The following COL11A1 variants were observed in gnomAD, a reference collection of about 807,000 sequenced individuals.
COL11A1 encodes the protein collagen alpha-1(XI) chain.
A neutral mutation model predicts 265.2 loss-of-function variants in COL11A1; 74 were observed. The observed-to-expected ratio is 0.28, with a 90% CI of 0.23 to 0.34. The LOEUF is 0.34. COL11A1 is among the 10% of genes least tolerant of loss of function. The pLI is 1.00. For synonymous variants in COL11A1, 816 were observed against 727.6 expected (o/e 1.12, Z -1.96); for missense variants, 2,165 against 2,263.6 (o/e 0.96, Z 0.88).
At chr1:102,908,908 A>G (rs898838309) in intron 54 of COL11A1, among the ~76,000 whole-genome samples, 5 of 152,190 alleles carry the variant, frequency 3.3e-5, no homozygotes, top group Admixed American at 6.6e-5. Flanking sequence ...GAATGAGAGT[A>G]ACATAATTTT....
At chr1:102,973,097 C>A (rs922236532) in intron 36 of COL11A1, among the ~76,000 whole-genome samples, 4 of 152,008 alleles carry the variant, frequency 2.6e-5, no homozygotes, top group Non-Finnish European at 5.9e-5. Context: ...CTTTCTATAT[C>A]AAACAGATGA....
rs977256784 is a variant in COL11A1 at position 103,108,357 on chromosome 1, T to C, written c.-179A>G. On this transcript the variant is annotated 5_prime_UTR_variant, in exon 1 of 67. Coordinates refer to ENST00000370096, the MANE Select transcript of COL11A1 (RefSeq NM_001854.4). ...TGATGGTTTGCGTTCTTCGTGTCTC[T>C]AGCCCTTTCCTCTCCCTCTGAGTTG... 7.6e-5 allele frequency: 50 copies of C among 659,752 alleles called. 2 individuals are homozygous for C. The South Asian group carries it at 7.6e-4, about 10-fold the overall frequency. 40.9% of individuals were successfully genotyped at this position (659,752 alleles called of 1,614,324 possible).
Position 102,877,986 on chromosome 1 carries a change from T to C in COL11A1, c.*33A>G, listed in dbSNP as rs976177538. On this transcript the variant is annotated 3_prime_UTR_variant, in exon 67 of 67. Coordinates refer to ENST00000370096, the MANE Select transcript of COL11A1 (RefSeq NM_001854.4). ...TGGGTTGGTGGCACCAAGGTATATT[T>C]TCTGTTGATTTGATATGTTCTTTGT... The C allele has an allele frequency of 1.2e-6, 2 of 1,611,866 alleles. No individual in the cohort carries two copies. The highest frequency in any genetic ancestry group is 1.3e-5 in the African/African-American group (1 of 74,958).
chr1:103,025,706 G>A (rs930943520), intron 6 of COL11A1, 93 bp from the exon 7 acceptor site: 21 of 1,557,514 alleles, frequency 1.3e-5, no homozygotes, highest in African/African-American at 2.7e-5. Context: ...TATTAGCCAA[G>A]TGAGTATTTA....
rs12743150 is a variant in COL11A1, at chr1:102,998,007, T to A, written c.2196+303A>T. ...ATAGAAAATTTAGATCATGCAAGAA[T>A]ATGTGAGTGGACCTGCTTACCTGGA... On this transcript the variant is annotated intron_variant, in intron 25 of 66. Transcript: ENST00000370096. Among the ~76,000 whole-genome samples the A allele has an allele frequency of 0.036, 5,497 of 151,780 alleles. 134 individuals carry two copies. Among genetic ancestry groups the A allele is most frequent in the Middle Eastern group, 0.092 (27 of 294 alleles).
chr1:102,964,096 G>C (rs1326268936), intron 38 of COL11A1, among the ~76,000 whole-genome samples: 4 of 151,920 alleles, frequency 2.6e-5, no homozygotes, highest in African/African-American at 9.7e-5. Context: ...ATGTAAAGAG[G>C]GGAACGAAAA....
At chr1:103,030,849 C>T (rs1156623004) in intron 5 of COL11A1, 2 of 412,304 alleles carry the variant, frequency 4.9e-6, no homozygotes, top group African/African-American at 2.0e-5. Context: ...CTTCTTCTCA[C>T]CCCCTCCAAA....
intron 4 of COL11A1, among the ~76,000 whole-genome samples, chr1:103,051,016 G>T (rs893382516): frequency 6.6e-6 from 1 of 152,200 alleles, no homozygotes; most frequent in Non-Finnish European, 1.5e-5. Flanking sequence ...CCCCTACTGG[G>T]GGATGCCTCC....
chr1:102,885,998 G>A (rs1038857691), intron 63 of COL11A1, among the ~76,000 whole-genome samples: 2 of 152,092 alleles, frequency 1.3e-5, no homozygotes, highest in African/African-American at 4.8e-5. Context: ...TCTGCATTGA[G>A]TTACTTAGAT....
At chr1:102,934,054 G>T (rs201404412) in intron 46 of COL11A1, among the ~76,000 whole-genome samples, 7 of 152,012 alleles carry the variant, frequency 4.6e-5, no homozygotes, top group Non-Finnish European at 5.9e-5. Flanking sequence ...TGTATTCTGC[G>T]TCGCTCACGC....
At chr1:103,041,337 T>G (rs987581795) in intron 4 of COL11A1, among the ~76,000 whole-genome samples, 5 of 151,898 alleles carry the variant, frequency 3.3e-5, no homozygotes, top group Admixed American at 2.0e-4. Context: ...TACCAGATAT[T>G]TGGGTATCAG....
At chr1:102,996,069 C>T (rs764459522) in intron 26 of COL11A1, 27 bp from the exon 27 acceptor site, 12 of 1,606,080 alleles carry the variant, frequency 7.5e-6, no homozygotes, top group African/African-American at 1.3e-5. Flanking sequence ...ACCACTTATA[C>T]GTGTAATAAA....
Position 103,022,552 on chromosome 1 carries a change from C to T in COL11A1, c.1245+190G>A, listed in dbSNP as rs150883638. On this transcript the variant is annotated intron_variant, in intron 8 of 66. Transcript: ENST00000370096. ...TCAAATAATGACTCCAAAAGTATGG[C>T]CAAAGATACAACTGCTGAAGATTCC... Among the ~76,000 whole-genome samples, 465 of 152,160 alleles carry T rather than the reference C, an allele frequency of 3.1e-3. 3 individuals are homozygous for T. The highest frequency in any genetic ancestry group is 0.011 in the African/African-American group (447 of 41,498).
At position 103,005,856 on chromosome 1, in the gene COL11A1, T is replaced by C. The variant is rs1571008340; in HGVS notation, c.1827A>G (p.Pro609=). 1 of 1,613,904 alleles carries C rather than the reference T, an allele frequency of 6.2e-7. No individual in the cohort carries two copies. Among genetic ancestry groups the C allele is most frequent in the South Asian group, 1.1e-5 (1 of 91,080 alleles). The change falls in exon 18 of 67, where the codon CCA becomes CCG. Residue 609 remains proline, a synonymous_variant. Transcript: ENST00000370096. ...ATCTTACCCTGTGACCTTTGTCACC[T>C]GGCAGACCCGGAAGTCCATCAAACC... ...DRGFDGLPGL[P]GDKGHRGERG... is the part of the protein sequence containing the mutation.
chr1:102,994,250 C>T (rs1458289113), intron 28 of COL11A1, among the ~76,000 whole-genome samples: 30 of 152,054 alleles, frequency 2.0e-4, no homozygotes, highest in Non-Finnish European at 3.8e-4. Context: ...ACCCAAATCT[C>T]ATGTTGAAAC....
At chr1:103,102,518 A>G (rs1674359406) in intron 1 of COL11A1, among the ~76,000 whole-genome samples, 1 of 152,040 alleles carries the variant, frequency 6.6e-6, no homozygotes, top group Admixed American at 6.6e-5. Flanking sequence ...TACATGAGGG[A>G]AGTGAAGGAG....
intron 1 of COL11A1, among the ~76,000 whole-genome samples, chr1:103,092,997 A>C (rs1478371620): frequency 1.3e-5 from 2 of 152,062 alleles, no homozygotes; most frequent in African/African-American, 2.4e-5. Context: ...AAAACAGAAA[A>C]AGACAAAAGA....
chr1:103,076,433 G>A (rs1671978755), intron 3 of COL11A1, among the ~76,000 whole-genome samples: 1 of 152,038 alleles, frequency 6.6e-6, no homozygotes, highest in Non-Finnish European at 1.5e-5. Flanking sequence ...AAAAGCTGAA[G>A]CCATTATTCT....
In COL11A1 at chr1:102,918,566, TA is replaced by T. The variant is rs1179147842; in HGVS notation, c.3762+1744del. Reference sequence around the variant, plus strand: ...TATTAGAAATTATACTATTCTTGATTAAAAAACATCAACAACAACAAAAAAC... The same window carrying T: ...TATTAGAAATTATACTATTCTTGATTAAAAACATCAACAACAACAAAAAAC... On this transcript the variant is annotated intron_variant, in intron 49 of 66. Transcript: ENST00000370096. Among the ~76,000 whole-genome samples the T allele has an allele frequency of 4.9e-5, 7 of 142,144 alleles. No individual in the cohort carries two copies. In the East Asian group the frequency reaches 8.8e-4, roughly 18 times the overall value. The allele number at this position is 142,144 out of a possible 152,430, so 93.3% of individuals were successfully genotyped here.
Sources: gnomAD v4.1 joint callset for allele counts (sites outside exome capture counted in the v4.1 genomes callset) on GRCh38, gnomAD v4.1.1 for gene constraint, MANE v1.5 for transcripts, NCBI Gene and HGNC (gene_info 2026-07-23, HGNC 2026-07-21) for gene names.